The following CAB39 variants were observed in gnomAD, a reference collection of about 807,000 sequenced individuals.
CAB39 encodes calcium-binding protein 39.
Under a neutral mutation model 40.0 loss-of-function variants are expected in CAB39, and 8 were observed. That is an observed-to-expected ratio of 0.20 (90% CI 0.12 to 0.36). CAB39 has a LOEUF of 0.36. CAB39 is among the 10% of genes least tolerant of loss of function. CAB39 has a pLI of 1.00. For synonymous variants in CAB39, 156 were observed against 141.6 expected, an observed-to-expected ratio of 1.10 and a Z score of -0.72; for missense variants, 270 against 401.1, an observed-to-expected ratio of 0.67 and a Z score of 2.79.
chr2:230,813,378 C>T (rs950576463), intron 6 of CAB39, among the ~76,000 whole-genome samples: 2 of 152,074 alleles, frequency 1.3e-5, no homozygotes, highest in Non-Finnish European at 2.9e-5. Flanking sequence ...TTTTGTTCTC[C>T]CCGGGGCTTC....
intron 2 of CAB39, among the ~76,000 whole-genome samples, chr2:230,772,588 C>A (rs1403230545): frequency 6.6e-6 from 1 of 151,912 alleles, no homozygotes; most frequent in African/African-American, 2.4e-5. Context: ...TGGTTCACAC[C>A]ATTCTCCTGC....
At chr2:230,730,843 A>AT (rs1300279519) in intron 1 of CAB39, among the ~76,000 whole-genome samples, 2 of 152,220 alleles carry the variant, frequency 1.3e-5, no homozygotes, top group Non-Finnish European at 2.9e-5. Flanking sequence ...TGTGAAAAAA[A>AT]TTTGTGCGAT....
At chr2:230,744,896 C>CT (rs1251954638) in intron 1 of CAB39, among the ~76,000 whole-genome samples, 2 of 152,166 alleles carry the variant, frequency 1.3e-5, no homozygotes, top group African/African-American at 4.8e-5. Flanking sequence ...TGACTTTTCT[C>CT]TAAAAAATCA....
chr2:230,806,953 G>A (rs573836231), intron 5 of CAB39, among the ~76,000 whole-genome samples: 1 of 152,284 alleles, frequency 6.6e-6, no homozygotes, highest in East Asian at 1.9e-4. Flanking sequence ...CAAGCTTTTA[G>A]GAAGCTTTTA....
chr2:230,784,297 T>C (rs1341250605), intron 2 of CAB39, among the ~76,000 whole-genome samples: 3 of 152,174 alleles, frequency 2.0e-5, no homozygotes, highest in African/African-American at 7.2e-5. Context: ...AGTTCTATTT[T>C]AGATGTATTC....
At chr2:230,741,789 C>CTTGAATATACTTATTCAA (rs1694881892) in intron 1 of CAB39, among the ~76,000 whole-genome samples, 1 of 152,168 alleles carries the variant, frequency 6.6e-6, no homozygotes, top group Non-Finnish European at 1.5e-5. Context: ...ACTTATTCAA[C>CTTGAATATACTTATTCAA]GTGTATTTAG....
Position 230,759,963 on chromosome 2 carries a change from C to A in CAB39, c.-39C>A. ...GAACCTTGTGCTGTGTTCTAGGTAG[C>A]ACAGGCGGAGTGCAGCGGAGGCCCC... On this transcript the variant is annotated 5_prime_UTR_variant, in exon 2 of 9. Transcript: ENST00000258418. 1 of 1,110,726 alleles carries A rather than the reference C, an allele frequency of 9.0e-7. No individual in the cohort carries two copies. Among genetic ancestry groups the A allele is most frequent in the Non-Finnish European group, 1.4e-6 (1 of 722,556 alleles). The allele number at this position is 1,110,726 out of a possible 1,614,324, so 68.8% of individuals were successfully genotyped here. A position where few individuals can be genotyped will look rare whatever the true frequency, so the allele number is the denominator to read the frequency against.
chr2:230,807,494 C>T (rs1218842749), intron 5 of CAB39, among the ~76,000 whole-genome samples: 1 of 151,036 alleles, frequency 6.6e-6, no homozygotes, highest in African/African-American at 2.4e-5. Flanking sequence ...CCACCTGCTC[C>T]TTGGGCAGAC....
rs1422205038 is a variant in CAB39, at chr2:230,820,840, ATATAT to A, written c.*2138_*2142del. 3 of 152,646 alleles carry A rather than the reference ATATAT, an allele frequency of 2.0e-5. No individual in the cohort carries two copies. The highest frequency in any genetic ancestry group is 7.2e-5 in the African/African-American group (3 of 41,452). The allele number at this position is 152,646 out of a possible 1,614,324, so 9.5% of individuals were successfully genotyped here. On this transcript the variant is annotated 3_prime_UTR_variant, in exon 9 of 9. Coordinates refer to ENST00000258418, the MANE Select transcript of CAB39 (RefSeq NM_016289.4). ...TTGCATTTGAAGTTATGATCATTTA[ATATAT>A]TCATATTACCAAGACTATTATACTG...
chr2:230,724,402 C>T (rs1694515687), intron 1 of CAB39, among the ~76,000 whole-genome samples: 1 of 151,282 alleles, frequency 6.6e-6, no homozygotes, highest in Non-Finnish European at 1.5e-5. Flanking sequence ...CCTCTATGGG[C>T]CGGGCACGGT....
At chr2:230,772,734 T>C (rs2720164) in intron 2 of CAB39, among the ~76,000 whole-genome samples, 122,960 of 151,894 alleles carry the variant, frequency 0.81, 50,569 homozygotes, top group African/African-American at 0.95. Context: ...ATCTGCCTGC[T>C]TCGGCCTCCC....
At chr2:230,817,696 A>G (rs1316046012) in intron 7 of CAB39, 58 bp from the exon 8 acceptor site, 1 of 1,385,966 alleles carries the variant, frequency 7.2e-7, no homozygotes, top group East Asian at 2.3e-5. Context: ...TTGTTTTTTT[A>G]AACTTTGATT....
chr2:230,742,150 TTTTGTTTTG>T (rs1162429813), intron 1 of CAB39, among the ~76,000 whole-genome samples: 2 of 141,756 alleles, frequency 1.4e-5, no homozygotes, highest in Non-Finnish European at 3.1e-5. Context: ...GTCTTTTTTG[TTTTGTTTTG>T]TTTGTTTGTT....
intron 4 of CAB39, among the ~76,000 whole-genome samples, chr2:230,794,431 C>T (rs1007200900): frequency 1.3e-5 from 2 of 152,096 alleles, no homozygotes; most frequent in Non-Finnish European, 2.9e-5. Context: ...TTTCAGGTGC[C>T]TTTGTGTGTT....
At position 230,820,002 on chromosome 2, in the gene CAB39, T is replaced by C. The variant is rs1259719774; in HGVS notation, c.*1298T>C. On this transcript the variant is annotated 3_prime_UTR_variant, in exon 9 of 9. Coordinates refer to ENST00000258418, the MANE Select transcript of CAB39 (RefSeq NM_016289.4). ...CATAGGTGTCCTATGGGGAAATTTA[T>C]TTTTTTTAATGTCCTGTTCCTTAAT... The C allele has an allele frequency of 6.6e-6, 1 of 152,520 alleles. No individual in the cohort carries two copies. The highest frequency in any genetic ancestry group is 2.4e-5 in the African/African-American group (1 of 41,408). The allele number at this position is 152,520 out of a possible 1,614,324, so 9.4% of individuals were successfully genotyped here. A position where few individuals can be genotyped will look rare whatever the true frequency, so the allele number is the denominator to read the frequency against.
chr2:230,753,710 C>T (rs1046903203), intron 1 of CAB39, among the ~76,000 whole-genome samples: 4 of 146,950 alleles, frequency 2.7e-5, no homozygotes, highest in African/African-American at 1.0e-4. Flanking sequence ...CACCACTGCA[C>T]TCCATCCTGA....
At chr2:230,767,459 C>T (rs954347125) in intron 2 of CAB39, among the ~76,000 whole-genome samples, 1 of 152,182 alleles carries the variant, frequency 6.6e-6, no homozygotes, top group African/African-American at 2.4e-5. Context: ...TCCCTACAAC[C>T]ATAGTGATTC....
chr2:230,740,518 A>G (rs1417095553), intron 1 of CAB39, among the ~76,000 whole-genome samples: 1 of 152,192 alleles, frequency 6.6e-6, no homozygotes, highest in Non-Finnish European at 1.5e-5. Context: ...GGCATGAGGG[A>G]CCAGTTTCGT....
intron 2 of CAB39, among the ~76,000 whole-genome samples, chr2:230,770,552 T>C (rs775485723): frequency 6.6e-6 from 1 of 152,218 alleles, no homozygotes; most frequent in Non-Finnish European, 1.5e-5. Flanking sequence ...TGTAAACCTT[T>C]CCAGAAAATT....
Sources: gnomAD v4.1 joint callset for allele counts (sites outside exome capture counted in the v4.1 genomes callset) on GRCh38, gnomAD v4.1.1 for gene constraint, MANE v1.5 for transcripts, NCBI Gene and HGNC (gene_info 2026-07-23, HGNC 2026-07-21) for gene names.